ALK: variants seen among roughly 807,000 people sequenced by gnomAD.
The protein encoded by ALK is ALK receptor tyrosine kinase, also known as ALK tyrosine kinase receptor.
A neutral mutation model predicts 163.1 loss-of-function variants in ALK; 74 were observed. That is an observed-to-expected ratio of 0.45 (90% confidence interval 0.38 to 0.55). The LOEUF (loss-of-function observed/expected upper bound fraction) is 0.55, where lower values mean the gene tolerates loss of function less well. Ranked by LOEUF, ALK falls within the 20% of genes least tolerant of loss-of-function variation. ALK has a pLI of 0.00. For synonymous variants in ALK, 960 were observed against 843.2 expected, an observed-to-expected ratio of 1.14 and a Z score of -2.40; for missense variants, 2,063 against 2,105.3, an observed-to-expected ratio of 0.98 and a Z score of 0.39.
chr2:29,631,500 G>T (rs910411353), intron 3 of ALK, among the ~76,000 whole-genome samples: 11 of 152,192 alleles, frequency 7.2e-5, no homozygotes, highest in Non-Finnish European at 1.6e-4. Flanking sequence ...GCAGCAGCTG[G>T]CAGGGCTGCT....
At chr2:29,275,036 ATCTT>A (rs1665495759) in intron 11 of ALK, 59 bp downstream of exon 11, 1 of 1,607,284 alleles carries the variant, frequency 6.2e-7, no homozygotes, top group Admixed American at 1.7e-5. Context: ...GACAGCACCA[ATCTT>A]TCTTCTGCCT....
intron 4 of ALK, among the ~76,000 whole-genome samples, chr2:29,529,199 G>A (rs758315095): frequency 1.1e-4 from 17 of 152,252 alleles, no homozygotes; most frequent in South Asian, 4.1e-4. Flanking sequence ...ACTTGGTGGC[G>A]TCTGACTTGT....
intron 5 of ALK, among the ~76,000 whole-genome samples, chr2:29,336,949 G>A (rs1350821596): frequency 6.6e-6 from 1 of 152,088 alleles, no homozygotes; most frequent in Non-Finnish European, 1.5e-5. Context: ...GACACGTGGG[G>A]GAACCTGGTG....
At chr2:29,196,299 C>G (rs1411668272) in intron 28 of ALK, among the ~76,000 whole-genome samples, 1 of 152,200 alleles carries the variant, frequency 6.6e-6, no homozygotes, top group African/African-American at 2.4e-5. Context: ...TAAAATTTCT[C>G]CAGATTACTT....
At chr2:29,861,475 A>T (rs1666289911) in intron 1 of ALK, among the ~76,000 whole-genome samples, 1 of 152,206 alleles carries the variant, frequency 6.6e-6, no homozygotes, top group African/African-American at 2.4e-5. Context: ...CAGAAATACA[A>T]AAGATCATAA....
intron 4 of ALK, among the ~76,000 whole-genome samples, chr2:29,400,317 C>T (rs764813360): frequency 6.6e-6 from 1 of 152,184 alleles, no homozygotes; most frequent in East Asian, 1.9e-4. Context: ...CGCAGGTAAT[C>T]ATTTTGAATA....
At chr2:29,677,991 T>A (rs764408395) in intron 3 of ALK, among the ~76,000 whole-genome samples, 4 of 152,064 alleles carry the variant, frequency 2.6e-5, no homozygotes, top group Non-Finnish European at 5.9e-5. Context: ...ATTTTAATAT[T>A]TCTTCCTGAA....
At chr2:29,679,610 A>C (rs1052055138) in intron 3 of ALK, among the ~76,000 whole-genome samples, 3 of 150,950 alleles carry the variant, frequency 2.0e-5, no homozygotes, top group African/African-American at 7.3e-5. Context: ...ATCTAATTCT[A>C]CTCTCCATTT....
chr2:29,392,284 G>A (rs1265139260), intron 4 of ALK, among the ~76,000 whole-genome samples: 4 of 152,206 alleles, frequency 2.6e-5, no homozygotes, highest in Non-Finnish European at 5.9e-5. Context: ...AGCTGACACA[G>A]CTGGTTCATG....
chr2:29,686,199 C>T (rs573545726), intron 3 of ALK, among the ~76,000 whole-genome samples: 4 of 152,290 alleles, frequency 2.6e-5, no homozygotes, highest in African/African-American at 7.2e-5. Flanking sequence ...TGCTGTGATC[C>T]CTCCTCAGGC....
intron 11 of ALK, among the ~76,000 whole-genome samples, chr2:29,264,124 G>A (rs535855453): frequency 1.9e-4 from 29 of 152,166 alleles, no homozygotes; most frequent in Non-Finnish European, 4.1e-4. Flanking sequence ...AGGCACCCTG[G>A]TCACTCCCCC....
intron 4 of ALK, among the ~76,000 whole-genome samples, chr2:29,384,591 C>A (rs1573304294): frequency 6.6e-6 from 1 of 152,160 alleles, no homozygotes; most frequent in East Asian, 1.9e-4. Context: ...TTGAAATAGC[C>A]TCCTGTCACT....
chr2:29,309,698 C>T (rs1212496319), intron 8 of ALK, among the ~76,000 whole-genome samples: 1 of 145,418 alleles, frequency 6.9e-6, no homozygotes, highest in African/African-American at 2.6e-5. Flanking sequence ...TTCTTGTTCA[C>T]TCTCATCCTG....
intron 1 of ALK, among the ~76,000 whole-genome samples, chr2:29,765,804 T>C (rs1276686888): frequency 2.6e-5 from 4 of 152,182 alleles, no homozygotes; most frequent in Non-Finnish European, 4.4e-5. Flanking sequence ...AAGCTCTCTG[T>C]TTTTTTAAGC....
chr2:29,446,372 T>C (rs1260167446), intron 4 of ALK, among the ~76,000 whole-genome samples: 2 of 152,078 alleles, frequency 1.3e-5, no homozygotes, highest in Non-Finnish European at 2.9e-5. Context: ...TCCGATCCCC[T>C]TGTAGAAAAG....
At chr2:29,557,162 T>C (rs1378274774) in intron 3 of ALK, among the ~76,000 whole-genome samples, 2 of 151,994 alleles carry the variant, frequency 1.3e-5, no homozygotes, top group Admixed American at 6.5e-5. Context: ...AAAAAGCAAA[T>C]GCAACAATTT....
chr2:29,789,445 TG>T (rs1664132423), intron 1 of ALK, among the ~76,000 whole-genome samples: 1 of 152,234 alleles, frequency 6.6e-6, no homozygotes, highest in South Asian at 2.1e-4. Context: ...GTTGATTGAC[TG>T]GCTTGGCAGA....
intron 26 of ALK, among the ~76,000 whole-genome samples, chr2:29,206,776 G>GGTGTGT (rs3028218): frequency 5.3e-5 from 8 of 150,268 alleles, no homozygotes; most frequent in South Asian, 2.1e-4. Context: ...TCCCTTTATT[G>GGTGTGT]GTGTGTGTGT....
chr2:29,600,096 G>A lies in ALK; in HGVS notation c.953-67980C>T, dbSNP rs556206019. Among the ~76,000 whole-genome samples the A allele has an allele frequency of 3.3e-5, 5 of 152,284 alleles. No homozygotes were observed. The Middle Eastern group carries it at 0.017, about 518-fold the overall frequency. ...CATCCACACGTGGGGCAGACCAGTG[G>A]CCAGCACAAGCCTGAATGGGAACCA... On this transcript the variant is annotated intron_variant, in intron 3 of 28. Coordinates refer to ENST00000389048, the MANE Select transcript of ALK (RefSeq NM_004304.5).
Sources: gnomAD v4.1 joint callset for allele counts (sites outside exome capture counted in the v4.1 genomes callset) on GRCh38, gnomAD v4.1.1 for gene constraint, MANE v1.5 for transcripts, NCBI Gene and HGNC (gene_info 2026-07-23, HGNC 2026-07-21) for gene names.